BIRC2: variants seen among roughly 807,000 people sequenced by gnomAD.
BIRC2 encodes the protein baculoviral IAP repeat-containing protein 2.
In BIRC2, 18 loss-of-function variants were observed where a neutral mutation model predicts 60.9. The ratio of observed to expected loss-of-function variants is 0.30; its 90% CI spans 0.20 to 0.44. The LOEUF (loss-of-function observed/expected upper bound fraction) is 0.44. BIRC2 is among the 20% of genes least tolerant of loss of function. BIRC2 has a pLI of 1.00. For missense variants in BIRC2, 701 were observed against 728.5 expected, an observed-to-expected ratio of 0.96 and a Z score of 0.43; for synonymous variants, 282 against 247.7, an observed-to-expected ratio of 1.14 and a Z score of -1.30.
rs1382225790 is a variant in BIRC2, at chr11:102,348,744, TGAA to T, written c.-1108_-1106del. Reference sequence around the variant, plus strand: ...TGTATGAATTATATTTTTAAAACATTGAAGAGTTTTCAGAAAGAAGGCTAGTAG... The same window carrying T: ...TGTATGAATTATATTTTTAAAACATTGAGTTTTCAGAAAGAAGGCTAGTAG... On this transcript the variant is annotated 5_prime_UTR_variant, in exon 2 of 9. Transcript: ENST00000227758. The T allele has an allele frequency of 2.5e-6, 1 of 395,878 alleles. No individual in the cohort carries two copies. The highest frequency in any genetic ancestry group is 3.2e-5 in the Admixed American group (1 of 31,058). 24.5% of individuals were successfully genotyped at this position (395,878 alleles called of 1,614,324 possible). A position where few individuals can be genotyped will look rare whatever the true frequency, so the allele number is the denominator to read the frequency against.
chr11:102,372,055 T>G lies in BIRC2; in HGVS notation c.1366+3507T>G, dbSNP rs1177671508. On this transcript the variant is annotated intron_variant, in intron 6 of 8. Coordinates refer to ENST00000227758, the MANE Select transcript of BIRC2 (RefSeq NM_001166.5). ...TTATTGCGTCTATTTGATTCTTCTC[T>G]CTTTTCTTCTTTATTAGTCTTGCTA... Among the ~76,000 whole-genome samples the G allele has an allele frequency of 3.3e-5, 5 of 152,342 alleles. No individual in the cohort carries two copies. In the East Asian group the frequency reaches 9.6e-4, roughly 29 times the overall value.
chr11:102,364,174 T>TATATATATACATAC (rs1389968594), intron 5 of BIRC2, among the ~76,000 whole-genome samples: 1 of 78,120 alleles, frequency 1.3e-5, no homozygotes, highest in Non-Finnish European at 2.3e-5. Context: ...TATATATATA[T>TATATATATACATAC]ACACACACAC....
chr11:102,351,197 A>T (rs1951354430), intron 3 of BIRC2, among the ~76,000 whole-genome samples: 1 of 152,234 alleles, frequency 6.6e-6, no homozygotes. Flanking sequence ...TTTAAAGAGT[A>T]CTTAAGGATT....
intron 3 of BIRC2, among the ~76,000 whole-genome samples, chr11:102,356,906 G>A (rs1427322689): frequency 6.6e-6 from 1 of 151,672 alleles, no homozygotes; most frequent in Non-Finnish European, 1.5e-5. Context: ...CTGACCTCAG[G>A]TGATCCACCC....
At chr11:102,354,613 C>T (rs573047881) in intron 3 of BIRC2, among the ~76,000 whole-genome samples, 1 of 152,334 alleles carries the variant, frequency 6.6e-6, no homozygotes, top group East Asian at 1.9e-4. Flanking sequence ...GATATGTACA[C>T]AGAAGTGGGA....
At chr11:102,355,956 T>C (rs1951414887) in intron 3 of BIRC2, among the ~76,000 whole-genome samples, 1 of 152,194 alleles carries the variant, frequency 6.6e-6, no homozygotes, top group African/African-American at 2.4e-5. Context: ...TTTTGTATCC[T>C]ACAACTTCTG....
chr11:102,347,451 C>T (rs1424597210), intron 1 of BIRC2, 75 bp downstream of exon 1: 1 of 34,320 alleles, frequency 2.9e-5, no homozygotes, highest in East Asian at 8.8e-4. Context: ...GCCCACTTCC[C>T]TGATGTGGCG....
chr11:102,374,840 C>T (rs769765265), intron 6 of BIRC2, among the ~76,000 whole-genome samples: 4 of 152,264 alleles, frequency 2.6e-5, no homozygotes, highest in Non-Finnish European at 5.9e-5. Context: ...GTAGGACCCT[C>T]CGAGCCAGGT....
At chr11:102,368,727 G>C (rs770420494) in intron 6 of BIRC2, among the ~76,000 whole-genome samples, 179 bp downstream of exon 6, 4 of 151,988 alleles carry the variant, frequency 2.6e-5, no homozygotes, top group Non-Finnish European at 4.4e-5. Flanking sequence ...GAGAACCATT[G>C]ACTGCCGCTT....
chr11:102,347,263 C>A lies in BIRC2; in HGVS notation c.-1371C>A, dbSNP rs566947652. ...TGGGGCGGCGGGCTTCGGGAGCGCC[C>A]GGGCTGATCCGAGCCGAGCGGGCCG... On this transcript the variant is annotated 5_prime_UTR_variant, in exon 1 of 9. Transcript: ENST00000227758. The A allele has an allele frequency of 1.3e-5, 2 of 152,298 alleles. No individual in the cohort carries two copies. Among genetic ancestry groups the A allele is most frequent in the Non-Finnish European group, 2.9e-5 (2 of 68,086 alleles). The allele number at this position is 152,298 out of a possible 1,614,324, so 9.4% of individuals were successfully genotyped here.
At chr11:102,360,047 A>T (rs1201590493) in intron 3 of BIRC2, among the ~76,000 whole-genome samples, 2 of 150,420 alleles carry the variant, frequency 1.3e-5, no homozygotes, top group Non-Finnish European at 3.0e-5. Flanking sequence ...GCTCACTGCA[A>T]CCTCCACCTC....
chr11:102,372,324 C>CT (rs559628041), intron 6 of BIRC2, among the ~76,000 whole-genome samples: 31 of 152,304 alleles, frequency 2.0e-4, no homozygotes, highest in African/African-American at 7.2e-4. Context: ...AAATTTCCCT[C>CT]TACACACTGC....
intron 3 of BIRC2, among the ~76,000 whole-genome samples, chr11:102,357,427 TTTTC>T (rs1321048397): frequency 6.6e-6 from 1 of 152,114 alleles, no homozygotes; most frequent in Non-Finnish European, 1.5e-5. Context: ...TTCCTGGGCT[TTTTC>T]TTTGTCAGAA....
intron 5 of BIRC2, among the ~76,000 whole-genome samples, chr11:102,367,708 G>C (rs1392576811): frequency 2.6e-5 from 4 of 152,094 alleles, no homozygotes; most frequent in Non-Finnish European, 5.9e-5. Flanking sequence ...CAGAGCATCT[G>C]TCACTGTCTA....
intron 6 of BIRC2, among the ~76,000 whole-genome samples, chr11:102,374,112 A>G (rs2135823757): frequency 6.8e-6 from 1 of 147,484 alleles, no homozygotes; most frequent in Admixed American, 6.7e-5. Context: ...CTTTGGTTTG[A>G]ATGTCCTCCT....
chr11:102,353,815 T>A (rs1166598820), intron 3 of BIRC2, among the ~76,000 whole-genome samples: 1 of 152,044 alleles, frequency 6.6e-6, no homozygotes, highest in African/African-American at 2.4e-5. Context: ...TTGTGTTCTT[T>A]AACCAACATC....
At chr11:102,366,378 T>G (rs1016131062) in intron 5 of BIRC2, among the ~76,000 whole-genome samples, 3 of 152,116 alleles carry the variant, frequency 2.0e-5, no homozygotes, top group Admixed American at 2.0e-4. Context: ...CACTGTTTTT[T>G]TTTTTTGAGA....
chr11:102,378,190 A>G lies in BIRC2; in HGVS notation c.*7A>G. On this transcript the variant is annotated 3_prime_UTR_variant, in exon 9 of 9. Coordinates refer to ENST00000227758, the MANE Select transcript of BIRC2 (RefSeq NM_001166.5). ...TCGTACATTTCTCTCTTAAAGAAAA[A>G]TAGTCTATATTTTAACCTGCATAAA... 1.3e-6 allele frequency: 2 copies of G among 1,573,086 alleles called. No homozygotes were observed. The highest frequency in any genetic ancestry group is 1.7e-6 in the Non-Finnish European group (2 of 1,164,126).
At position 102,377,657 on chromosome 11, in the gene BIRC2, A is replaced by G. The variant is rs749829698; in HGVS notation, c.1528A>G (p.Ile510Val). ...GATACCTTTACAAGCGAGAGAACTG[A>G]TTGATACCATTTTGGTTAAAGGAAA... ...TQIPLQAREL[I>V]DTILVKGNAA... The change falls in exon 7 of 9, where the codon ATT becomes GTT. Residue 510 changes from isoleucine (I) to valine (V), a missense_variant. This residue lies in a region of BIRC2 where 235 missense variants were observed against 208.9 expected (regional missense o/e 1.12). Coordinates refer to ENST00000227758, the MANE Select transcript of BIRC2 (RefSeq NM_001166.5). 28 of 1,611,112 alleles carry G rather than the reference A, an allele frequency of 1.7e-5. No individual in the cohort carries two copies. The highest frequency in any genetic ancestry group is 2.3e-5 in the Non-Finnish European group (27 of 1,179,286).
Sources: gnomAD v4.1 joint callset for allele counts (sites outside exome capture counted in the v4.1 genomes callset) on GRCh38, gnomAD v4.1.1 for gene constraint, gnomAD v4.1.1 regional missense constraint, MANE v1.5 for transcripts, NCBI Gene and HGNC (gene_info 2026-07-23, HGNC 2026-07-21) for gene names.